Variants in PTCD3 observed in about 807,000 individuals in gnomAD.
PTCD3 encodes the protein small ribosomal subunit protein mS39.
PTCD3 carries 89 observed loss-of-function variants against 101.9 expected under a neutral mutation model. That is an observed-to-expected ratio of 0.87 (90% CI 0.74 to 1.04). PTCD3 has a LOEUF of 1.04. Ranked by LOEUF, PTCD3 falls within the 50% of genes least tolerant of loss-of-function variation. PTCD3 has a pLI of 0.00. For synonymous variants in PTCD3, 296 were observed against 278.5 expected, an observed-to-expected ratio of 1.06 and a Z score of -0.63; for missense variants, 870 against 828.2, an observed-to-expected ratio of 1.05 and a Z score of -0.62.
chr2:86,125,204 G>A, intron 10 of PTCD3, 122 bp downstream of exon 10: 1 of 1,447,774 alleles, frequency 6.9e-7, no homozygotes, highest in Non-Finnish European at 9.2e-7. Flanking sequence ...ATTGTAGGAT[G>A]TTAGTAGCTC....
intron 4 of PTCD3, among the ~76,000 whole-genome samples, chr2:86,112,642 A>C (rs540610186): frequency 1.4e-5 from 2 of 144,202 alleles, no homozygotes; most frequent in Non-Finnish European, 3.0e-5. Flanking sequence ...AGGTCCTGCC[A>C]CTGCATTCCA....
At chr2:86,123,291 T>A (rs186657149) in intron 8 of PTCD3, among the ~76,000 whole-genome samples, 5 of 151,790 alleles carry the variant, frequency 3.3e-5, no homozygotes, top group Admixed American at 3.3e-4. Context: ...AGTCTTAGTT[T>A]GCTTGGGTGA....
chr2:86,131,522 C>T (rs1349359352), intron 16 of PTCD3, among the ~76,000 whole-genome samples: 1 of 152,122 alleles, frequency 6.6e-6, no homozygotes, highest in Non-Finnish European at 1.5e-5. Context: ...GGCCTAAAAT[C>T]TGTACTTTTC....
Position 86,136,854 on chromosome 2 carries a change from T to C in PTCD3, c.1821-128T>C, listed in dbSNP as rs1430694698. On this transcript the variant is annotated intron_variant, in intron 22 of 23. Coordinates refer to ENST00000254630, the MANE Select transcript of PTCD3 (RefSeq NM_017952.6). ...CTCACTGGAAACAAGTAAAAATAAA[T>C]GTTAGACTTCATCTTTGTCTCCAGA... 12 of 1,226,486 alleles carry C rather than the reference T, an allele frequency of 9.8e-6. No homozygotes were observed. The African/African-American group carries it at 1.2e-4, about 12-fold the overall frequency. 76.0% of individuals were successfully genotyped at this position (1,226,486 alleles called of 1,614,324 possible).
chr2:86,106,312 G>A lies in PTCD3; in HGVS notation c.65G>A (p.Gly22Asp), dbSNP rs777318377. The change falls in exon 1 of 24, where the codon GGT becomes GAT. Residue 22 changes from glycine to aspartate, a missense_variant. By Grantham distance (94) the Gly-to-Asp change is moderately conservative. Transcript: ENST00000254630. Reference sequence around the variant, plus strand: ...AGCAGGCTTGGCCAGCCGCTGACGGGTCGGCGGGCGGGTTTGTGTGAACAG... The same window carrying A: ...AGCAGGCTTGGCCAGCCGCTGACGGATCGGCGGGCGGGTTTGTGTGAACAG... ...LRSRLGQPLT[G>D]RRAGLCEQAR... The A allele has an allele frequency of 6.2e-7, 1 of 1,614,104 alleles. No individual in the cohort carries two copies. Among genetic ancestry groups the A allele is most frequent in the Admixed American group, 1.7e-5 (1 of 60,026 alleles).
chr2:86,128,797 C>G (rs979324198), intron 14 of PTCD3, among the ~76,000 whole-genome samples: 5 of 152,148 alleles, frequency 3.3e-5, no homozygotes, highest in African/African-American at 1.2e-4. Context: ...CCAGCTATGT[C>G]AAAGCGACTA....
rs920804346 is a variant in PTCD3 at position 86,125,473 on chromosome 2, G to A, written c.823G>A (p.Ala275Thr). The part of the protein sequence containing the change: ...GMVKHRAYEQ[A>T]LNLYTELLNN... ...TTTCCAGCACCGAGCTTATGAGCAG[G>A]CATTAAACTTGTACACTGAGTTACT... The change falls in exon 11 of 24, where the codon GCA becomes ACA. Residue 275 changes from alanine (A) to threonine (T), a missense_variant. Physicochemically the swap from Ala to Thr is moderately conservative, Grantham distance 58. Transcript: ENST00000254630. 2.5e-6 allele frequency: 4 copies of A among 1,613,326 alleles called. No homozygotes were observed. Among genetic ancestry groups the A allele is most frequent in the Non-Finnish European group, 3.4e-6 (4 of 1,179,272 alleles).
chr2:86,108,789 C>A, intron 3 of PTCD3: 1 of 388,316 alleles, frequency 2.6e-6, no homozygotes, highest in Non-Finnish European at 4.6e-6. Flanking sequence ...TTACTATTTA[C>A]GTGGTTAATA....
intron 3 of PTCD3, among the ~76,000 whole-genome samples, chr2:86,109,131 C>T (rs890019801): frequency 3.3e-5 from 5 of 152,122 alleles, no homozygotes; most frequent in Admixed American, 1.3e-4. Context: ...GTTCGCCAGG[C>T]GCGGTGGCTT....
intron 17 of PTCD3, 172 bp downstream of exon 17, chr2:86,132,596 G>T: frequency 5.6e-5 from 21 of 375,666 alleles, no homozygotes; most frequent in East Asian, 1.0e-4. Context: ...TGCCAGATTT[G>T]AAAGACTAGT....
At chr2:86,136,017 CAG>C (rs777101415) in intron 21 of PTCD3, 1 of 519,122 alleles carries the variant, frequency 1.9e-6, no homozygotes, top group South Asian at 1.4e-5. Flanking sequence ...CACTTCATAA[CAG>C]AATTCTAAGA....
At position 86,141,892 on chromosome 2, in the gene PTCD3, A is replaced by G. The variant is rs2104467520; in HGVS notation, c.*4333A>G. 6.6e-6 allele frequency: 1 copy of G among 152,320 alleles called. No individual in the cohort carries two copies. The highest frequency in any genetic ancestry group is 6.5e-5 in the Admixed American group (1 of 15,290). The allele number at this position is 152,320 out of a possible 1,614,324, so 9.4% of individuals were successfully genotyped here. ...TAACCCTGGCCCTTGGGACTCCATC[A>G]TCTCCTTGAAGTAGCACTGAGAATC... On this transcript the variant is annotated 3_prime_UTR_variant, in exon 24 of 24. Transcript: ENST00000254630.
chr2:86,107,321 A>G, intron 1 of PTCD3: 1 of 422,934 alleles, frequency 2.4e-6, no homozygotes, highest in Non-Finnish European at 4.9e-6. Flanking sequence ...AAATAGTGTG[A>G]CTTGAAAGAG....
At chr2:86,119,926 T>C (rs541138566) in intron 7 of PTCD3, among the ~76,000 whole-genome samples, 3 of 152,302 alleles carry the variant, frequency 2.0e-5, no homozygotes, top group East Asian at 1.9e-4. Context: ...AATCTACATA[T>C]AGCAACATCA....
At position 86,111,290 on chromosome 2, in the gene PTCD3, T is replaced by G. The variant is rs144331790; in HGVS notation, c.240+132T>G. 812 of 931,608 alleles carry G rather than the reference T, an allele frequency of 8.7e-4. 11 individuals are homozygous for G. The African/African-American group carries it at 0.013, about 15-fold the overall frequency. 57.7% of individuals were successfully genotyped at this position (931,608 alleles called of 1,614,324 possible). On this transcript the variant is annotated intron_variant, in intron 4 of 23. Coordinates refer to ENST00000254630, the MANE Select transcript of PTCD3 (RefSeq NM_017952.6). The stretch of plus-strand genomic sequence containing the variant: ...TTAAACTGTTGTGCGTCTAGAAAGT[T>G]TCTTTAAAATTGTCTAGGCCGGGCG...
chr2:86,124,191 G>T (rs1183960926), intron 9 of PTCD3, among the ~76,000 whole-genome samples: 1 of 152,180 alleles, frequency 6.6e-6, no homozygotes, highest in Non-Finnish European at 1.5e-5. Flanking sequence ...TTGAATGAAA[G>T]GTAATAACTT....
At position 86,141,370 on chromosome 2, in the gene PTCD3, G is replaced by A. The variant is rs1674681670; in HGVS notation, c.*3811G>A. ...CCACTGGACCTGATGAAGCGAATCT[G>A]CCTGAAATTTAATACGCCTTTTTAT... On this transcript the variant is annotated 3_prime_UTR_variant, in exon 24 of 24. Transcript: ENST00000254630. 1 of 152,276 alleles carries A rather than the reference G, an allele frequency of 6.6e-6. No homozygotes were observed. The highest frequency in any genetic ancestry group is 1.5e-5 in the Non-Finnish European group (1 of 68,110). The allele number at this position is 152,276 out of a possible 1,614,324, so 9.4% of individuals were successfully genotyped here.
rs755370031 is a variant in PTCD3 at position 86,131,042 on chromosome 2, A to G, written c.1238-36A>G. ...ACTGACTTGAAAATATATTTTATCC[A>G]TTGTAACCAAAGCTCTTGTGAACTT... On this transcript the variant is annotated intron_variant, in intron 15 of 23. Transcript: ENST00000254630. The G allele has an allele frequency of 4.4e-6, 7 of 1,590,308 alleles. No homozygotes were observed. The East Asian group carries it at 1.1e-4, about 26-fold the overall frequency.
In PTCD3 at chr2:86,111,146, C is replaced by A. The variant is rs140651157; in HGVS notation, c.228C>A (p.Ser76=). The A allele has an allele frequency of 3.7e-6, 6 of 1,613,308 alleles. No individual in the cohort carries two copies. The highest frequency in any genetic ancestry group is 5.1e-6 in the Non-Finnish European group (6 of 1,179,362). Residue 76 remains serine, a synonymous_variant, in exon 4 of 24, where the codon TCC becomes TCA. Transcript: ENST00000254630. ...TAGCCGTTCTTCAGGCACTTGCATC[C>A]ACAGTAAACAGGGTAAGTAGGATTT... ...DKVAVLQALA[S]TVNRDTTAVP...
Sources: allele counts gnomAD v4.1 joint callset (sites outside exome capture counted in the v4.1 genomes callset), GRCh38; gene constraint gnomAD v4.1.1; transcripts MANE v1.5; gene names NCBI Gene and HGNC (gene_info 2026-07-23, HGNC 2026-07-21).